Variants in SLC25A26 observed in about 807,000 individuals in gnomAD.
The protein encoded by SLC25A26 is solute carrier family 25 member 26.
In SLC25A26, 36 loss-of-function variants were observed where a neutral mutation model predicts 37.8. That is an observed-to-expected ratio of 0.95 (90% CI 0.73 to 1.26). The LOEUF (loss-of-function observed/expected upper bound fraction) is 1.26, where lower values mean the gene tolerates loss of function less well. Ranked by LOEUF, SLC25A26 falls within the 50% of genes most tolerant of loss-of-function variation. The pLI is 0.00. For missense variants in SLC25A26, 390 were observed against 331.1 expected (o/e 1.18, Z -1.38); for synonymous variants, 129 against 122.5 (o/e 1.05, Z -0.35).
At position 66,378,847 on chromosome 3, in the gene SLC25A26, G is replaced by A. The variant is rs1559758293; in HGVS notation, c.*1040G>A. The A allele has an allele frequency of 6.6e-6, 1 of 152,498 alleles. No homozygotes were observed. Among genetic ancestry groups the A allele is most frequent in the Non-Finnish European group, 1.5e-5 (1 of 68,028 alleles). The allele number at this position is 152,498 out of a possible 1,614,324, so 9.4% of individuals were successfully genotyped here. On this transcript the variant is annotated 3_prime_UTR_variant, in exon 10 of 10. Coordinates refer to ENST00000354883, the MANE Select transcript of SLC25A26 (RefSeq NM_001379210.1). ...AAAGACACTTCAATGCCATTTGTTA[G>A]ACACTTCAATATTTTACATGGTTTT...
At chr3:66,256,978 C>T (rs2073329545) in intron 3 of SLC25A26, among the ~76,000 whole-genome samples, 1 of 152,100 alleles carries the variant, frequency 6.6e-6, no homozygotes, top group African/African-American at 2.4e-5. Context: ...TCATTTCCTC[C>T]TGGCTAGTTT....
At chr3:66,179,238 A>C (rs914257340) in intron 1 of SLC25A26, among the ~76,000 whole-genome samples, 1 of 152,246 alleles carries the variant, frequency 6.6e-6, no homozygotes. Flanking sequence ...AAAAATTAAG[A>C]TGACCTATAA....
intron 5 of SLC25A26, among the ~76,000 whole-genome samples, chr3:66,275,623 C>T (rs2074114856): frequency 6.6e-6 from 1 of 152,044 alleles, no homozygotes; most frequent in African/African-American, 2.4e-5. Flanking sequence ...TCTCCAGATA[C>T]ATTTAGCAAG....
chr3:66,363,969 A>T (rs1448871847), intron 7 of SLC25A26, among the ~76,000 whole-genome samples: 1 of 152,128 alleles, frequency 6.6e-6, no homozygotes, highest in Non-Finnish European at 1.5e-5. Context: ...GGTGGTCTTG[A>T]TTCATTTTCC....
chr3:66,150,379 T>G (rs1218116391), intron 1 of SLC25A26, among the ~76,000 whole-genome samples: 3 of 150,192 alleles, frequency 2.0e-5, no homozygotes, highest in Non-Finnish European at 3.0e-5. Context: ...GCACCTGTAA[T>G]CCCAGCTACT....
chr3:66,288,067 G>A (rs939713706), intron 5 of SLC25A26, among the ~76,000 whole-genome samples: 3 of 152,180 alleles, frequency 2.0e-5, no homozygotes, highest in African/African-American at 7.2e-5. Flanking sequence ...GGACAGAGGA[G>A]AGAGATTCTG....
chr3:66,356,745 C>T (rs2076585666), intron 6 of SLC25A26, among the ~76,000 whole-genome samples: 1 of 152,150 alleles, frequency 6.6e-6, no homozygotes, highest in Non-Finnish European at 1.5e-5. Flanking sequence ...CCTGCTGCCT[C>T]AGCCTCCCTA....
At chr3:66,268,287 G>A (rs761233178) in intron 5 of SLC25A26, among the ~76,000 whole-genome samples, 1 of 152,120 alleles carries the variant, frequency 6.6e-6, no homozygotes, top group African/African-American at 2.4e-5. Flanking sequence ...GAATTACTTC[G>A]TGAAAAGTAT....
At chr3:66,156,750 A>G (rs1576600891) in intron 1 of SLC25A26, among the ~76,000 whole-genome samples, 1 of 151,716 alleles carries the variant, frequency 6.6e-6, no homozygotes, top group Non-Finnish European at 1.5e-5. Context: ...AACATGCCAC[A>G]CTCCGAGATC....
At chr3:66,319,291 C>T (rs759962635) in intron 5 of SLC25A26, among the ~76,000 whole-genome samples, 6 of 151,450 alleles carry the variant, frequency 4.0e-5, no homozygotes, top group Admixed American at 6.6e-5. Flanking sequence ...TATTGAAAGT[C>T]GAGGGAGTGC....
chr3:66,375,593 T>G (rs1374914821), intron 9 of SLC25A26, among the ~76,000 whole-genome samples: 1 of 152,212 alleles, frequency 6.6e-6, no homozygotes, highest in Non-Finnish European at 1.5e-5. Flanking sequence ...ACTCTGCCTC[T>G]GCTGTAGAAA....
At chr3:66,236,476 A>C in intron 1 of SLC25A26, 68 bp from the exon 2 acceptor site, 1 of 1,288,698 alleles carries the variant, frequency 7.8e-7, no homozygotes, top group Non-Finnish European at 1.0e-6. Flanking sequence ...CTTCGCCCCC[A>C]AGTGGCCGAG....
chr3:66,309,864 CTGTT>C (rs58277762), intron 5 of SLC25A26, among the ~76,000 whole-genome samples: 37,151 of 151,850 alleles, frequency 0.24, 5,753 homozygotes, highest in African/African-American at 0.45. Flanking sequence ...GTCTGAGAGA[CTGTT>C]TGTTATGATT....
At chr3:66,194,784 A>G (rs1375761672) in intron 1 of SLC25A26, among the ~76,000 whole-genome samples, 1 of 152,202 alleles carries the variant, frequency 6.6e-6, no homozygotes, top group African/African-American at 2.4e-5. Context: ...TATTTTTAGT[A>G]GAGACGGGGT....
intron 6 of SLC25A26, among the ~76,000 whole-genome samples, chr3:66,348,233 A>G (rs1164978015): frequency 6.6e-6 from 1 of 152,152 alleles, no homozygotes; most frequent in Non-Finnish European, 1.5e-5. Flanking sequence ...GATACTGAAA[A>G]CTGTGGGCCA....
rs914471801 is a variant in SLC25A26, at chr3:66,221,048, G to A, written c.-47G>A. On this transcript the variant is annotated 5_prime_UTR_variant, in exon 1 of 10. Coordinates refer to ENST00000354883, the MANE Select transcript of SLC25A26 (RefSeq NM_001379210.1). Reference sequence around the variant, plus strand: ...CGCCCAGCGCGCGAGGACGTGATCCGCTTCTGCTCCGGCTTGGATTGTAGC... The same window carrying A: ...CGCCCAGCGCGCGAGGACGTGATCCACTTCTGCTCCGGCTTGGATTGTAGC... 6.5e-7 allele frequency: 1 copy of A among 1,534,496 alleles called. No individual in the cohort carries two copies.
intron 1 of SLC25A26, among the ~76,000 whole-genome samples, chr3:66,215,226 G>C (rs969481538): frequency 2.0e-4 from 31 of 152,154 alleles, no homozygotes; most frequent in African/African-American, 7.5e-4. Context: ...TTTTGAGACA[G>C]GGTCTTGCTT....
In SLC25A26 at chr3:66,138,747, C is replaced by T. The variant is rs192662727; in HGVS notation, c.-354+4763C>T. Among the ~76,000 whole-genome samples the T allele has an allele frequency of 3.0e-3, 452 of 152,074 alleles. 2 individuals carry two copies. Among genetic ancestry groups the T allele is most frequent in the African/African-American group, 0.01 (427 of 41,474 alleles). ...GAGCCAGAGGTTCCTCTTCACAAACCGTATTGGGAGGTCCTGGATACGGGC... is the reference window on the plus strand; with the variant it reads ...GAGCCAGAGGTTCCTCTTCACAAACTGTATTGGGAGGTCCTGGATACGGGC... On this transcript the variant is annotated intron_variant, in intron 1 of 10. Transcript: ENST00000676754.
chr3:66,255,035 AG>A (rs199938146), intron 3 of SLC25A26, among the ~76,000 whole-genome samples: 1,992 of 152,368 alleles, frequency 0.013, 19 homozygotes, highest in Non-Finnish European at 0.019. Flanking sequence ...GGGTTTTAGC[AG>A]CATCCATCTC....
Sources: allele counts gnomAD v4.1 joint callset (sites outside exome capture counted in the v4.1 genomes callset), GRCh38; gene constraint gnomAD v4.1.1; transcripts MANE v1.5; gene names NCBI Gene and HGNC (gene_info 2026-07-23, HGNC 2026-07-21).